PXDNL: variants seen among roughly 807,000 people sequenced by gnomAD.
The protein encoded by PXDNL is peroxidasin like.
A neutral mutation model predicts 150.8 loss-of-function variants in PXDNL; 145 were observed. The observed-to-expected ratio is 0.96, with a 90% CI of 0.84 to 1.10. The LOEUF (loss-of-function observed/expected upper bound fraction) is 1.10, where lower values mean the gene tolerates loss of function less well. Among genes scored for constraint, PXDNL ranks in the 50% least tolerant of loss-of-function variants. The pLI is 0.00. For synonymous variants in PXDNL, 757 were observed against 725.7 expected, an observed-to-expected ratio of 1.04 and a Z score of -0.69; for missense variants, 2,087 against 1,873.9, an observed-to-expected ratio of 1.11 and a Z score of -2.10.
chr8:51,384,878 A>C (rs1476109016), intron 17 of PXDNL, among the ~76,000 whole-genome samples: 2 of 152,198 alleles, frequency 1.3e-5, no homozygotes, highest in Non-Finnish European at 2.9e-5. Context: ...TAATAAAAAT[A>C]ATCATCTATA....
At chr8:51,645,068 C>G (rs374082892) in intron 2 of PXDNL, among the ~76,000 whole-genome samples, 1 of 152,026 alleles carries the variant, frequency 6.6e-6, no homozygotes, top group Non-Finnish European at 1.5e-5. Context: ...CAGGAAAGCC[C>G]GTGGTACAGT....
intron 1 of PXDNL, among the ~76,000 whole-genome samples, chr8:51,781,626 C>T (rs867608634): frequency 6.6e-6 from 1 of 152,298 alleles, no homozygotes; most frequent in Middle Eastern, 3.4e-3. Context: ...GGCATAACTG[C>T]ATTCACATAA....
At chr8:51,328,123 C>T (rs75348159) in intron 21 of PXDNL, among the ~76,000 whole-genome samples, 4,804 of 152,304 alleles carry the variant, frequency 0.032, 243 homozygotes, top group African/African-American at 0.11. Flanking sequence ...AGCAGCCTCC[C>T]AGAGCAAGAC....
intron 1 of PXDNL, among the ~76,000 whole-genome samples, chr8:51,753,795 G>A (rs2037070714): frequency 6.6e-6 from 1 of 152,206 alleles, no homozygotes; most frequent in Non-Finnish European, 1.5e-5. Context: ...GGGCAAAGGT[G>A]GTTCCAAAAG....
Position 51,499,699 on chromosome 8 carries a change from A to G in PXDNL, c.452T>C (p.Leu151Pro). 1 of 1,608,086 alleles carries G rather than the reference A, an allele frequency of 6.2e-7. No individual in the cohort carries two copies. The highest frequency in any genetic ancestry group is 8.5e-7 in the Non-Finnish European group (1 of 1,174,516). Residue 151 changes from leucine to proline, a missense_variant and splice_region_variant, in exon 5 of 23, where the codon CTA (leucine) becomes CCA (proline). Leu to Pro is a moderately conservative substitution (Grantham distance 98). Coordinates refer to ENST00000356297, the MANE Select transcript of PXDNL (RefSeq NM_144651.5). Reference sequence around the variant, plus strand: ...GGACATCTAAAGGGTCAACACTTACAGTCGCTCTAATCTCAGAAGGTCTCC... The same window carrying G: ...GGACATCTAAAGGGTCAACACTTACGGTCGCTCTAATCTCAGAAGGTCTCC... ...TFGDLLRLER[L>P]FLHNNKLSKI...
chr8:51,537,746 T>C (rs1158907215), intron 4 of PXDNL, among the ~76,000 whole-genome samples: 1 of 152,228 alleles, frequency 6.6e-6, no homozygotes, highest in African/African-American at 2.4e-5. Flanking sequence ...AAGTAAGTTA[T>C]GCTCTTTACA....
chr8:51,734,394 A>G (rs1385028979), intron 1 of PXDNL, among the ~76,000 whole-genome samples: 1 of 152,244 alleles, frequency 6.6e-6, no homozygotes, highest in Non-Finnish European at 1.5e-5. Flanking sequence ...TGGTCTATTT[A>G]AGTCCCACTT....
intron 4 of PXDNL, among the ~76,000 whole-genome samples, chr8:51,502,870 C>T (rs1238250384): frequency 6.6e-6 from 1 of 151,986 alleles, no homozygotes; most frequent in Non-Finnish European, 1.5e-5. Context: ...TATACTGAGC[C>T]ACCTAAAATT....
intron 1 of PXDNL, among the ~76,000 whole-genome samples, chr8:51,714,154 T>C (rs1381021585): frequency 7.9e-5 from 12 of 152,244 alleles, no homozygotes; most frequent in Non-Finnish European, 1.0e-4. Flanking sequence ...GATTATAGCA[T>C]ACATTGGCCA....
At chr8:51,622,350 G>A (rs564395138) in intron 2 of PXDNL, among the ~76,000 whole-genome samples, 2 of 152,284 alleles carry the variant, frequency 1.3e-5, no homozygotes, top group South Asian at 4.1e-4. Context: ...TGAGCCCACA[G>A]AACTGTGAGC....
intron 20 of PXDNL, chr8:51,339,988 A>G: frequency 2.9e-6 from 1 of 345,050 alleles, no homozygotes. Context: ...AAATAATAAG[A>G]AAGTATTTCT....
intron 4 of PXDNL, among the ~76,000 whole-genome samples, chr8:51,507,610 T>A (rs1368926943): frequency 1.3e-5 from 2 of 152,252 alleles, no homozygotes; most frequent in Admixed American, 6.5e-5. Context: ...CCAGCAGCTA[T>A]GCAAACAAAG....
Position 51,486,767 on chromosome 8 carries a change from TA to T in PXDNL, c.453-3054del, listed in dbSNP as rs1563433337. Among the ~76,000 whole-genome samples, 44 of 9,302 alleles carry T rather than the reference TA, an allele frequency of 4.7e-3. 1 individual carries two copies. Among genetic ancestry groups the T allele is most frequent in the African/African-American group, 0.01 (40 of 3,974 alleles). 6.1% of individuals were successfully genotyped at this position (9,302 alleles called of 152,430 possible). ...TAAAAAGTTTATATATATATATATATATATATATATATATATATATATATAT... is the reference window on the plus strand; with the variant it reads ...TAAAAAGTTTATATATATATATATATTATATATATATATATATATATATAT... On this transcript the variant is annotated intron_variant, in intron 5 of 22. Transcript: ENST00000356297.
At chr8:51,457,106 C>A (rs1586122397) in intron 9 of PXDNL, among the ~76,000 whole-genome samples, 2 of 152,202 alleles carry the variant, frequency 1.3e-5, no homozygotes, top group African/African-American at 4.8e-5. Flanking sequence ...GATAACCATG[C>A]AATCTTCAAC....
At chr8:51,529,353 T>C (rs551896493) in intron 4 of PXDNL, among the ~76,000 whole-genome samples, 1 of 152,334 alleles carries the variant, frequency 6.6e-6, no homozygotes, top group South Asian at 2.1e-4. Context: ...GTAACTAGTT[T>C]GCAAAGTCAA....
intron 2 of PXDNL, among the ~76,000 whole-genome samples, chr8:51,629,119 A>G (rs1233582456): frequency 1.3e-5 from 2 of 152,190 alleles, no homozygotes; most frequent in African/African-American, 4.8e-5. Flanking sequence ...AAAAGCCAAA[A>G]GAAACCACGG....
chr8:51,702,750 A>C (rs1044970718), intron 1 of PXDNL, among the ~76,000 whole-genome samples: 1 of 152,218 alleles, frequency 6.6e-6, no homozygotes, highest in African/African-American at 2.4e-5. Context: ...TCATGTTCCC[A>C]GAACTGTACT....
chr8:51,436,396 C>G (rs991711657), intron 12 of PXDNL: 1 of 418,832 alleles, frequency 2.4e-6, no homozygotes, highest in East Asian at 6.4e-5. Context: ...ACCAAAAATG[C>G]ATTGCCATGT....
chr8:51,651,925 C>G (rs745695884), intron 2 of PXDNL, among the ~76,000 whole-genome samples: 1 of 152,218 alleles, frequency 6.6e-6, no homozygotes, highest in Non-Finnish European at 1.5e-5. Flanking sequence ...ATCTTACCCT[C>G]TAGCTCTTAG....
Sources: gnomAD v4.1 joint callset for allele counts (sites outside exome capture counted in the v4.1 genomes callset) on GRCh38, gnomAD v4.1.1 for gene constraint, MANE v1.5 for transcripts, NCBI Gene and HGNC (gene_info 2026-07-23, HGNC 2026-07-21) for gene names.